Variants in MICALL2 observed in about 807,000 individuals in gnomAD.
The protein encoded by MICALL2 is MICAL-like protein 2.
Under a neutral mutation model 91.1 loss-of-function variants are expected in MICALL2, and 111 were observed. The ratio of observed to expected loss-of-function variants is 1.22; its 90% CI spans 1.04 to 1.43. The LOEUF is 1.43. Among genes scored for constraint, MICALL2 ranks in the 40% most tolerant of loss-of-function variants. The probability of loss-of-function intolerance (pLI) is 0.00; values close to 1 mark genes in which losing one functional copy is unlikely to be tolerated. For synonymous variants in MICALL2, 694 were observed against 525.3 expected (o/e 1.32, Z -4.39); for missense variants, 1,556 against 1,236.0 (o/e 1.26, Z -3.88).
chr7:1,450,916 C>T (rs539782708), intron 1 of MICALL2, among the ~76,000 whole-genome samples: 6 of 152,342 alleles, frequency 3.9e-5, no homozygotes, highest in Non-Finnish European at 4.4e-5. Context: ...AAGGCTCACA[C>T]CCGACCTGTG....
Position 1,452,530 on chromosome 7 carries a change from C to T in MICALL2, c.144-2242G>A, listed in dbSNP as rs1780872225. Among the ~76,000 whole-genome samples, 2 of 152,288 alleles carry T rather than the reference C, an allele frequency of 1.3e-5. No individual in the cohort carries two copies. Among genetic ancestry groups the T allele is most frequent in the East Asian group, 1.9e-4 (1 of 5,174 alleles). On this transcript the variant is annotated intron_variant, in intron 1 of 16. Transcript: ENST00000297508. The surrounding 1 kb of genome is among the most constrained non-coding windows in gnomAD (Gnocchi z 6.2). The stretch of plus-strand genomic sequence containing the variant: ...TCCCCGGAAAGAATGCCCGGACGGC[C>T]GGGAGGGCAGTGTCACAAGTCTGTT...
In MICALL2 at chr7:1,439,976, C is replaced by T. The variant is rs1349134242; in HGVS notation, c.1915G>A (p.Val639Met). ...AGSVHITLTP[V>M]RPDRTPRPAS... is the part of the protein sequence containing the mutation. ...GGGCGTGGGGTCCTGTCAGGCCTCA[C>T]GGGGGTCAGGGTGATGTGGACACTC... Residue 639 changes from valine (V) to methionine (M), a missense_variant, in exon 9 of 17, where the codon GTG becomes ATG. By Grantham distance (21) the Val-to-Met change is conservative. Coordinates refer to ENST00000297508, the MANE Select transcript of MICALL2 (RefSeq NM_182924.4). 7.9e-6 allele frequency: 12 copies of T among 1,523,284 alleles called. No individual in the cohort carries two copies. Among genetic ancestry groups the T allele is most frequent in the Middle Eastern group, 1.7e-4 (1 of 5,780 alleles). The allele number at this position is 1,523,284 out of a possible 1,614,324, so 94.4% of individuals were successfully genotyped here.
chr7:1,440,908 G>A (rs1051544784), intron 7 of MICALL2: 4 of 539,116 alleles, frequency 7.4e-6, no homozygotes, highest in Non-Finnish European at 1.3e-5. Context: ...AGCTCTCCCT[G>A]CCTCTGGGCC....
Position 1,440,629 on chromosome 7 carries a change from C to T in MICALL2, c.1767G>A (p.Ala589=), listed in dbSNP as rs202086721. The change falls in exon 8 of 17, where the codon GCG becomes GCA. Residue 589 remains alanine, a synonymous_variant. Coordinates refer to ENST00000297508, the MANE Select transcript of MICALL2 (RefSeq NM_182924.4). The part of the protein sequence containing the change: ...GQEDGPAGWR[A]NLKPVDRRSP... The stretch of plus-strand genomic sequence containing the variant: ...TTCTCCTGTCCACGGGCTTCAGATT[C>T]GCTCTCCATCCTGCCGGCCCGTCCT... 6.8e-6 allele frequency: 11 copies of T among 1,612,772 alleles called. No homozygotes were observed. The highest frequency in any genetic ancestry group is 1.3e-5 in the African/African-American group (1 of 75,040).
chr7:1,447,822 G>A, intron 3 of MICALL2, 57 bp from the exon 4 acceptor site: 1 of 1,351,792 alleles, frequency 7.4e-7, no homozygotes, highest in Non-Finnish European at 9.9e-7. Context: ...AAAGGGTCTA[G>A]TCCCTCCAGA....
intron 15 of MICALL2, among the ~76,000 whole-genome samples, chr7:1,436,377 C>T (rs1200622089): frequency 8.4e-5 from 10 of 119,050 alleles, no homozygotes; most frequent in African/African-American, 3.4e-4. Context: ...AGGGAAACTT[C>T]GTCTCAAAAA....
intron 12 of MICALL2, 52 bp from the exon 13 acceptor site, chr7:1,438,032 C>T (rs1780062311): frequency 6.4e-6 from 10 of 1,557,866 alleles, no homozygotes; most frequent in Non-Finnish European, 8.7e-6. Context: ...TTCATGGCCC[C>T]CAGCCCCAGG....
In MICALL2 at chr7:1,444,902, T is replaced by C; in HGVS notation, c.1168A>G (p.Thr390Ala). ...GAPRVAAPQT[T>A]LSSSSTSAAT... ...GCAGATGTGGAGCTTGAACTGAGTG[T>C]GGTTTGAGGAGCTGCCACTCGGGGG... The change falls in exon 6 of 17, where the codon ACA becomes GCA. Residue 390 changes from threonine (T) to alanine (A), a missense_variant. Thr to Ala is a moderately conservative substitution (Grantham distance 58). Coordinates refer to ENST00000297508, the MANE Select transcript of MICALL2 (RefSeq NM_182924.4). 6.4e-7 allele frequency: 1 copy of C among 1,562,426 alleles called. No homozygotes were observed. The highest frequency in any genetic ancestry group is 1.2e-5 in the South Asian group (1 of 86,438).
chr7:1,434,886 C>A (rs1779888431), intron 16 of MICALL2: 11 of 711,094 alleles, frequency 1.5e-5, no homozygotes, highest in Non-Finnish European at 2.3e-5. Context: ...CACACGGTCA[C>A]CAGCTGCCCC....
chr7:1,443,674 G>A (rs551727807), intron 6 of MICALL2, among the ~76,000 whole-genome samples: 1 of 152,324 alleles, frequency 6.6e-6, no homozygotes, highest in East Asian at 1.9e-4. Flanking sequence ...AACGGAGGCA[G>A]AGACTGGAGG....
Position 1,451,686 on chromosome 7 carries a change from G to A in MICALL2, c.144-1398C>T, listed in dbSNP as rs1780833396. On this transcript the variant is annotated intron_variant, in intron 1 of 16. Transcript: ENST00000297508. The surrounding 1 kb of genome is among the most constrained non-coding windows in gnomAD (Gnocchi z 4.5). Reference sequence around the variant, plus strand: ...CGGCCTGCATGTCTGACCCCGGCCAGCCTCGGTCTCAGGGCCTCAGTCTCC... The same window carrying A: ...CGGCCTGCATGTCTGACCCCGGCCAACCTCGGTCTCAGGGCCTCAGTCTCC... Among the ~76,000 whole-genome samples the A allele has an allele frequency of 6.6e-6, 1 of 152,230 alleles. No homozygotes were observed. The highest frequency in any genetic ancestry group is 2.4e-5 in the African/African-American group (1 of 41,460).
At chr7:1,436,720 G>A (rs1562444581) in intron 15 of MICALL2, 22 bp downstream of exon 15, 2 of 1,580,042 alleles carry the variant, frequency 1.3e-6, no homozygotes, top group Admixed American at 1.7e-5. Flanking sequence ...GCTGGGAGGG[G>A]CCCCCGGCAC....
chr7:1,458,268 A>C (rs375188456), intron 1 of MICALL2, among the ~76,000 whole-genome samples: 12 of 152,278 alleles, frequency 7.9e-5, no homozygotes, highest in African/African-American at 2.6e-4. Flanking sequence ...TGGTCTGCAC[A>C]GCTGCGGCCT....
At chr7:1,442,155 G>T in intron 7 of MICALL2, 37 bp downstream of exon 7, 1 of 1,604,358 alleles carries the variant, frequency 6.2e-7, no homozygotes, top group Non-Finnish European at 8.5e-7. Flanking sequence ...AGAGCTGCGG[G>T]CCCCCGGGGC....
In MICALL2 at chr7:1,440,675, G is replaced by A; in HGVS notation, c.1721C>T (p.Thr574Ile). Residue 574 changes from threonine (T) to isoleucine (I), a missense_variant, in exon 8 of 17, where the codon ACC becomes ATC. Transcript: ENST00000297508. Reference sequence around the variant, plus strand: ...GTCCTCCTGGCCTTCCTGGAGGCTGGTGCTCATGTCTGGGTGGGAGGCAAG... The same window carrying A: ...GTCCTCCTGGCCTTCCTGGAGGCTGATGCTCATGTCTGGGTGGGAGGCAAG... The part of the protein sequence containing the change: ...KSTTLTQDMS[T>I]SLQEGQEDGP... 2 of 1,611,898 alleles carry A rather than the reference G, an allele frequency of 1.2e-6. No homozygotes were observed. Among genetic ancestry groups the A allele is most frequent in the South Asian group, 1.1e-5 (1 of 91,074 alleles).
In MICALL2 at chr7:1,442,418, G is replaced by A. The variant is rs1011081523; in HGVS notation, c.1485C>T (p.Pro495=). ...ACGAGGACTGTAACGGCTTGGCTAA[G>A]GGACTTGCTTGTGGTGCTTCAGTTT... ...QPKTEAPQAS[P]LAKPLQSSSP... Residue 495 remains proline, a synonymous_variant, in exon 7 of 17, where the codon CCC becomes CCT. Transcript: ENST00000297508. 24 of 1,583,182 alleles carry A rather than the reference G, an allele frequency of 1.5e-5. No homozygotes were observed. The highest frequency in any genetic ancestry group is 2.3e-5 in the South Asian group (2 of 86,414).
At position 1,459,383 on chromosome 7, in the gene MICALL2, TGCCGCGACCGCCCGGCCGGCGGGACAGAC is replaced by T. The variant is rs1276383542; in HGVS notation, c.-86_-58del. 1.6e-6 allele frequency: 2 copies of T among 1,215,972 alleles called. No individual in the cohort carries two copies. The highest frequency in any genetic ancestry group is 2.1e-6 in the Non-Finnish European group (2 of 952,566). 75.3% of individuals were successfully genotyped at this position (1,215,972 alleles called of 1,614,324 possible). On this transcript the variant is annotated 5_prime_UTR_variant, in exon 1 of 17. Coordinates refer to ENST00000297508, the MANE Select transcript of MICALL2 (RefSeq NM_182924.4). ...GCCCTCCGACACCTTCCCGCGGCTGTGCCGCGACCGCCCGGCCGGCGGGACAGACGCTGGGACCGCTACGGAACCGCCAG... is the reference window on the plus strand; with the variant it reads ...GCCCTCCGACACCTTCCCGCGGCTGTGCTGGGACCGCTACGGAACCGCCAG...
chr7:1,442,680 A>C (rs549563870), intron 6 of MICALL2, among the ~76,000 whole-genome samples, 196 bp from the exon 7 acceptor site: 1 of 118,648 alleles, frequency 8.4e-6, no homozygotes, highest in Admixed American at 8.1e-5. Flanking sequence ...CCACCATTGC[A>C]CCAGGCTGCC....
chr7:1,445,133 A>T lies in MICALL2; in HGVS notation c.937T>A (p.Ser313Thr). ...CTGGCTGGGCTCCTCACGTGGACGGACGTGGCGCTGGTGGCTGCAGGGTTG... is the reference window on the plus strand; with the variant it reads ...CTGGCTGGGCTCCTCACGTGGACGGTCGTGGCGCTGGTGGCTGCAGGGTTG... Reference protein sequence around the residue: ...APNPAATSATSVHVRSPARPS... With the variant: ...APNPAATSATTVHVRSPARPS... Residue 313 changes from serine to threonine, a missense_variant, in exon 6 of 17, where the codon TCC becomes ACC. By Grantham distance (58) the Ser-to-Thr change is moderately conservative (BLOSUM62 1). Coordinates refer to ENST00000297508, the MANE Select transcript of MICALL2 (RefSeq NM_182924.4). The T allele has an allele frequency of 6.4e-7, 1 of 1,563,310 alleles. No individual in the cohort carries two copies. Among genetic ancestry groups the T allele is most frequent in the Non-Finnish European group, 8.7e-7 (1 of 1,154,880 alleles).
Sources: allele counts gnomAD v4.1 joint callset (sites outside exome capture counted in the v4.1 genomes callset), GRCh38; gene constraint gnomAD v4.1.1; non-coding constraint Gnocchi (gnomAD v3.1); transcripts MANE v1.5; gene names NCBI Gene and HGNC (gene_info 2026-07-23, HGNC 2026-07-21).